The following KLHL1 variants were observed in gnomAD, a reference collection of about 807,000 sequenced individuals.
KLHL1 encodes the protein kelch-like protein 1.
In KLHL1, 47 loss-of-function variants were observed where a neutral mutation model predicts 77.7. The observed-to-expected ratio is 0.60, with a 90% CI of 0.48 to 0.77. The LOEUF (loss-of-function observed/expected upper bound fraction) is 0.77, where lower values mean the gene tolerates loss of function less well. KLHL1 is among the 30% of genes least tolerant of loss of function. The pLI is 0.00. For synonymous variants in KLHL1, 360 were observed against 325.2 expected, an observed-to-expected ratio of 1.11 and a Z score of -1.15; for missense variants, 925 against 910.8, an observed-to-expected ratio of 1.02 and a Z score of -0.20.
At chr13:69,837,681 T>TACAC (rs1566309227) in intron 6 of KLHL1, among the ~76,000 whole-genome samples, 8 of 129,424 alleles carry the variant, frequency 6.2e-5, no homozygotes, top group Admixed American at 1.5e-4. Context: ...TATATATATA[T>TACAC]ATATATACAC....
intron 4 of KLHL1, among the ~76,000 whole-genome samples, chr13:69,890,624 T>C (rs749200310): frequency 1.3e-5 from 2 of 150,926 alleles, no homozygotes; most frequent in Non-Finnish European, 3.0e-5. Context: ...TGCATATTAA[T>C]ATTTTTCTTC....
In KLHL1 at chr13:69,862,246, C is replaced by T. The variant is rs150910773; in HGVS notation, c.1227+20037G>A. 4.5e-3 allele frequency among the ~76,000 whole-genome samples: 680 copies of T among 151,482 alleles called. 7 individuals are homozygous for T. The highest frequency in any genetic ancestry group is 0.016 in the African/African-American group (647 of 41,330). ...GGATAGAGGGAATACAGTTCCCATT[C>T]ATAATAAATGTATGTAATTATACTG... is the stretch of plus-strand genomic sequence containing the variant. On this transcript the variant is annotated intron_variant, in intron 5 of 10. Coordinates refer to ENST00000377844, the MANE Select transcript of KLHL1 (RefSeq NM_020866.3).
chr13:69,745,065 T>G (rs1874148712), intron 7 of KLHL1, among the ~76,000 whole-genome samples: 1 of 151,970 alleles, frequency 6.6e-6, no homozygotes, highest in African/African-American at 2.4e-5. Flanking sequence ...CCAATTTTTA[T>G]TTCCCCCAGT....
At chr13:69,711,507 T>C in intron 9 of KLHL1, among the ~76,000 whole-genome samples, 1 of 152,100 alleles carries the variant, frequency 6.6e-6, no homozygotes, top group Non-Finnish European at 1.5e-5. Flanking sequence ...TAAATACTTT[T>C]ATTTTTTCCT....
At chr13:70,031,429 A>T (rs1027124205) in intron 1 of KLHL1, among the ~76,000 whole-genome samples, 11 of 152,186 alleles carry the variant, frequency 7.2e-5, no homozygotes, top group Non-Finnish European at 1.3e-4. Flanking sequence ...AGTAACTGAG[A>T]TGCAGAGGTT....
chr13:69,985,330 A>G (rs1029176603), intron 1 of KLHL1, among the ~76,000 whole-genome samples: 10 of 152,142 alleles, frequency 6.6e-5, no homozygotes, highest in African/African-American at 2.2e-4. Context: ...AGAACTTAAT[A>G]GACATTTCTC....
In KLHL1 at chr13:70,075,187, T is replaced by A. The variant is rs533579492; in HGVS notation, c.497+32016A>T. Reference sequence around the variant, plus strand: ...TCTTCATAGGGAAGAGATGTATGGATTTGGGAGGCACACTTTATTTTGTAA... The same window carrying A: ...TCTTCATAGGGAAGAGATGTATGGAATTGGGAGGCACACTTTATTTTGTAA... On this transcript the variant is annotated intron_variant, in intron 1 of 10. Coordinates refer to ENST00000377844, the MANE Select transcript of KLHL1 (RefSeq NM_020866.3). Among the ~76,000 whole-genome samples the A allele has an allele frequency of 2.7e-3, 411 of 151,958 alleles. 2 individuals are homozygous for A. The highest frequency in any genetic ancestry group is 4.6e-3 in the Non-Finnish European group (311 of 67,980).
chr13:69,700,639 A>G lies in KLHL1; in HGVS notation c.*1063T>C, dbSNP rs1237968575. On this transcript the variant is annotated 3_prime_UTR_variant, in exon 11 of 11. Coordinates refer to ENST00000377844, the MANE Select transcript of KLHL1 (RefSeq NM_020866.3). ...TTTATTAATTGTAATTAAAATTTAC[A>G]TGGGCCTATTTATTAAGGACATTGT... 2.0e-5 allele frequency: 3 copies of G among 152,420 alleles called. No homozygotes were observed. In the East Asian group the frequency reaches 5.8e-4, roughly 29 times the overall value. 9.4% of individuals were successfully genotyped at this position (152,420 alleles called of 1,614,324 possible). A position where few individuals can be genotyped will look rare whatever the true frequency, so the allele number is the denominator to read the frequency against.
intron 4 of KLHL1, among the ~76,000 whole-genome samples, chr13:69,895,956 C>T (rs1008573679): frequency 2.0e-5 from 3 of 152,124 alleles, no homozygotes. Context: ...GATCCACTCA[C>T]CTCTGCCTCC....
chr13:69,859,784 T>C (rs1164873698), intron 5 of KLHL1, among the ~76,000 whole-genome samples: 1 of 152,092 alleles, frequency 6.6e-6, no homozygotes, highest in Non-Finnish European at 1.5e-5. Context: ...TTAGTAAATA[T>C]GACCAATAAA....
intron 1 of KLHL1, among the ~76,000 whole-genome samples, chr13:70,041,183 A>G (rs2137379480): frequency 6.6e-6 from 1 of 152,080 alleles, no homozygotes; most frequent in Admixed American, 6.5e-5. Context: ...GAATATTTTT[A>G]TAATAACTGT....
chr13:69,774,523 T>C (rs1263046172), intron 7 of KLHL1, among the ~76,000 whole-genome samples: 8 of 152,186 alleles, frequency 5.3e-5, no homozygotes, highest in Non-Finnish European at 1.2e-4. Context: ...TATGAGTTCA[T>C]TTTTTCATTG....
chr13:70,031,706 A>T (rs992900876), intron 1 of KLHL1, among the ~76,000 whole-genome samples: 1 of 152,314 alleles, frequency 6.6e-6, no homozygotes, highest in African/African-American at 2.4e-5. Flanking sequence ...TTTTTGACAG[A>T]GAAACAGGCA....
At chr13:69,755,876 G>A (rs1286959852) in intron 7 of KLHL1, among the ~76,000 whole-genome samples, 1 of 152,080 alleles carries the variant, frequency 6.6e-6, no homozygotes, top group Non-Finnish European at 1.5e-5. Flanking sequence ...AAAGCTGGCT[G>A]TTTGCATTCA....
chr13:70,075,364 T>A (rs1887236263), intron 1 of KLHL1, among the ~76,000 whole-genome samples: 3 of 151,124 alleles, frequency 2.0e-5, no homozygotes, highest in Non-Finnish European at 4.4e-5. Flanking sequence ...GCTATAAAAA[T>A]TGAAAAGGAA....
intron 1 of KLHL1, among the ~76,000 whole-genome samples, chr13:70,088,421 T>C (rs1435099618): frequency 2.6e-5 from 4 of 152,174 alleles, no homozygotes; most frequent in Admixed American, 1.3e-4. Flanking sequence ...GGCTTACACC[T>C]GTAATTTCAA....
intron 1 of KLHL1, among the ~76,000 whole-genome samples, chr13:69,993,809 A>G (rs968824915): frequency 6.6e-6 from 1 of 152,090 alleles, no homozygotes; most frequent in Admixed American, 6.6e-5. Flanking sequence ...ATGTAAATAC[A>G]TTTTCCAATT....
chr13:69,857,796 C>T (rs1049345139), intron 5 of KLHL1, among the ~76,000 whole-genome samples: 4 of 151,508 alleles, frequency 2.6e-5, no homozygotes, highest in East Asian at 1.9e-4. Context: ...TAGGAAAGAA[C>T]ATTAGAATGA....
chr13:70,103,807 C>T (rs910231828), intron 1 of KLHL1, among the ~76,000 whole-genome samples: 2 of 152,056 alleles, frequency 1.3e-5, no homozygotes, highest in South Asian at 2.1e-4. Flanking sequence ...GAATTATAAG[C>T]TCAATTTTGT....
Sources: gnomAD v4.1 joint callset for allele counts (sites outside exome capture counted in the v4.1 genomes callset) on GRCh38, gnomAD v4.1.1 for gene constraint, MANE v1.5 for transcripts, NCBI Gene and HGNC (gene_info 2026-07-23, HGNC 2026-07-21) for gene names.